Variants in PDE4D observed in about 807,000 individuals in gnomAD.
PDE4D encodes the protein phosphodiesterase 4D.
In PDE4D, 24 loss-of-function variants were observed where a neutral mutation model predicts 87.4. The ratio of observed to expected loss-of-function variants is 0.27; its 90% CI spans 0.20 to 0.39. The LOEUF (loss-of-function observed/expected upper bound fraction) is 0.39. Among genes scored for constraint, PDE4D ranks in the 10% least tolerant of loss-of-function variants. The probability of loss-of-function intolerance (pLI) is 1.00; values close to 1 mark genes in which losing one functional copy is unlikely to be tolerated. For synonymous variants in PDE4D, 384 were observed against 383.2 expected (o/e 1.00, Z -0.02); for missense variants, 714 against 1,041.0 (o/e 0.69, Z 4.32).
intron 1 of PDE4D, among the ~76,000 whole-genome samples, chr5:59,515,299 C>G (rs1810964240): frequency 6.6e-6 from 1 of 152,088 alleles, no homozygotes; most frequent in South Asian, 2.1e-4. Flanking sequence ...TTTTTTTGGA[C>G]AAGTGTCCTC....
chr5:59,714,294 G>T (rs1754667793), intron 1 of PDE4D, among the ~76,000 whole-genome samples: 1 of 152,230 alleles, frequency 6.6e-6, no homozygotes, highest in African/African-American at 2.4e-5. Flanking sequence ...AATGCAGAAG[G>T]GGAAGGAGGA....
chr5:59,137,241 C>T (rs1426310198), intron 5 of PDE4D, among the ~76,000 whole-genome samples: 1 of 152,084 alleles, frequency 6.6e-6, no homozygotes, highest in Non-Finnish European at 1.5e-5. Context: ...AGTGATGTGA[C>T]CTCTTGGATT....
chr5:59,643,975 A>C (rs6898975), intron 1 of PDE4D, among the ~76,000 whole-genome samples: 54,641 of 151,922 alleles, frequency 0.36, 10,238 homozygotes, highest in Non-Finnish European at 0.39. Context: ...GCACTTCAAG[A>C]AGAGAAGTAT....
chr5:59,407,081 CCCCT>C (rs1289105657), intron 1 of PDE4D, among the ~76,000 whole-genome samples: 1 of 152,134 alleles, frequency 6.6e-6, no homozygotes, highest in Non-Finnish European at 1.5e-5. Context: ...CCTTGAATGT[CCCCT>C]CCAATTCTCA....
intron 1 of PDE4D, among the ~76,000 whole-genome samples, chr5:60,400,447 G>A (rs1440240798): frequency 5.5e-5 from 8 of 146,130 alleles, no homozygotes; most frequent in East Asian, 2.0e-4. Flanking sequence ...GCGTGAACCC[G>A]GAAGGCAGAG....
intron 2 of PDE4D, among the ~76,000 whole-genome samples, chr5:60,162,106 TG>T (rs1299011430): frequency 6.6e-6 from 1 of 151,842 alleles, no homozygotes; most frequent in Non-Finnish European, 1.5e-5. Context: ...ACAGTGGGGG[TG>T]GGGGCCTCTT....
At chr5:59,340,342 A>T (rs1288263968) in intron 1 of PDE4D, among the ~76,000 whole-genome samples, 3 of 152,224 alleles carry the variant, frequency 2.0e-5, no homozygotes, top group Non-Finnish European at 4.4e-5. Context: ...AATTTTTAAA[A>T]AGCCATATTA....
chr5:59,656,920 CT>C (rs530731507), intron 1 of PDE4D, among the ~76,000 whole-genome samples: 40 of 152,094 alleles, frequency 2.6e-4, no homozygotes, highest in African/African-American at 8.4e-4. Context: ...AAGTCTTTAA[CT>C]TTTTTTCTAA....
intron 5 of PDE4D, among the ~76,000 whole-genome samples, chr5:59,175,781 A>ATTTTTTTTTTTTTTT (rs57572403): frequency 2.1e-5 from 2 of 94,592 alleles, no homozygotes; most frequent in African/African-American, 8.0e-5. Flanking sequence ...CCCGGCCTCC[A>ATTTTTTTTTTTTTTT]TTTTTTTTTT....
intron 1 of PDE4D, among the ~76,000 whole-genome samples, chr5:59,791,052 C>T (rs758028174): frequency 2.0e-5 from 3 of 152,138 alleles, no homozygotes; most frequent in Admixed American, 1.3e-4. Flanking sequence ...GGAAGACTTC[C>T]GAGTACACAG....
chr5:59,831,883 A>G (rs1177923467), intron 1 of PDE4D, among the ~76,000 whole-genome samples: 1 of 152,116 alleles, frequency 6.6e-6, no homozygotes, highest in Admixed American at 6.6e-5. Flanking sequence ...AGCTTTGACT[A>G]TGAAAGCCTT....
At chr5:59,179,974 A>G (rs1376574002) in intron 5 of PDE4D, among the ~76,000 whole-genome samples, 2 of 152,128 alleles carry the variant, frequency 1.3e-5, no homozygotes. Flanking sequence ...GAATTGAGAT[A>G]ATTTTATTTT....
intron 2 of PDE4D, among the ~76,000 whole-genome samples, chr5:59,212,833 A>T (rs1347023287): frequency 6.6e-6 from 1 of 151,846 alleles, no homozygotes. Context: ...TCGCCTATTT[A>T]ACATTGTTTA....
At chr5:60,337,388 T>TATATATATACACACACAC (rs66871903) in intron 1 of PDE4D, among the ~76,000 whole-genome samples, 4 of 89,478 alleles carry the variant, frequency 4.5e-5, no homozygotes, top group African/African-American at 1.7e-4. Flanking sequence ...TATATATATA[T>TATATATATACACACACAC]ACACACACAC....
intron 3 of PDE4D, among the ~76,000 whole-genome samples, chr5:59,938,926 T>G (rs982312177): frequency 6.6e-6 from 1 of 152,232 alleles, no homozygotes; most frequent in Non-Finnish European, 1.5e-5. Context: ...ATGAGATGAT[T>G]ACCTATTTCC....
At chr5:59,169,671 A>G (rs902447784) in intron 5 of PDE4D, among the ~76,000 whole-genome samples, 6 of 152,164 alleles carry the variant, frequency 3.9e-5, no homozygotes, top group Non-Finnish European at 7.4e-5. Context: ...GTGTCACTAT[A>G]TATACTTTCC....
At chr5:59,791,201 G>T (rs1765748468) in intron 1 of PDE4D, among the ~76,000 whole-genome samples, 1 of 152,226 alleles carries the variant, frequency 6.6e-6, no homozygotes, top group Non-Finnish European at 1.5e-5. Context: ...TACTGTTACA[G>T]GAGCTTAATA....
chr5:60,272,053 A>T (rs928833557), intron 1 of PDE4D, among the ~76,000 whole-genome samples: 4 of 152,344 alleles, frequency 2.6e-5, no homozygotes, highest in African/African-American at 4.8e-5. Flanking sequence ...AAGCCTAGAG[A>T]GCAAGACTCC....
chr5:60,493,240 A>G (rs1749628697), intron 1 of PDE4D, among the ~76,000 whole-genome samples: 1 of 152,194 alleles, frequency 6.6e-6, no homozygotes, highest in South Asian at 2.1e-4. Context: ...ACATTCCTGC[A>G]TGAGGGAAAA....
Sources: gnomAD v4.1 joint callset for allele counts (sites outside exome capture counted in the v4.1 genomes callset) on GRCh38, gnomAD v4.1.1 for gene constraint, MANE v1.5 for transcripts, NCBI Gene and HGNC (gene_info 2026-07-23, HGNC 2026-07-21) for gene names.